HOMER2: variants seen among roughly 807,000 people sequenced by gnomAD.
HOMER2 encodes the protein homer protein homolog 2.
In HOMER2, 27 loss-of-function variants were observed where a neutral mutation model predicts 47.0. That is an observed-to-expected ratio of 0.57 (90% CI 0.42 to 0.79). HOMER2 has a LOEUF of 0.79. Ranked by LOEUF, HOMER2 falls within the 30% of genes least tolerant of loss-of-function variation. The pLI is 0.00. For missense variants in HOMER2, 443 were observed against 435.0 expected (o/e 1.02, Z -0.16); for synonymous variants, 161 against 163.8 (o/e 0.98, Z 0.13).
At chr15:82,873,890 T>C (rs746144713) in intron 3 of HOMER2, among the ~76,000 whole-genome samples, 1 of 152,218 alleles carries the variant, frequency 6.6e-6, no homozygotes, top group Non-Finnish European at 1.5e-5. Context: ...TAGAAGTGTG[T>C]GTGCGTGCAC....
rs191739658 is a variant in HOMER2 at position 82,948,176 on chromosome 15, G to T, written c.5+4355C>A. Among the ~76,000 whole-genome samples, 4 of 152,206 alleles carry T rather than the reference G, an allele frequency of 2.6e-5. No homozygotes were observed. The East Asian group carries it at 7.7e-4, about 29-fold the overall frequency. ...GGAGGCCGGGGCAGGCGAATCATGA[G>T]GTCAGGAGATTGAGATCATCCTGGC... On this transcript the variant is annotated intron_variant, in intron 1 of 8. Transcript: ENST00000450735.
intron 1 of HOMER2, among the ~76,000 whole-genome samples, chr15:82,895,772 G>T (rs1400340016): frequency 1.3e-5 from 2 of 152,008 alleles, no homozygotes; most frequent in South Asian, 4.2e-4. Context: ...ATGCTTAGAC[G>T]GGTGTTCCCT....
chr15:82,926,481 A>G (rs2053855099), intron 1 of HOMER2: 1 of 152,230 alleles, frequency 6.6e-6, no homozygotes, highest in Admixed American at 6.5e-5. Context: ...TGAGCTTAGG[A>G]GTTTGAGACC....
chr15:82,940,477 G>C lies in HOMER2; in HGVS notation c.5+12054C>G, dbSNP rs557599507. On this transcript the variant is annotated intron_variant, in intron 1 of 8. Coordinates refer to ENST00000450735, the MANE Select transcript of HOMER2 (RefSeq NM_004839.4). ...GCTGTGCATGGGCTGGGCGTGGTGG[G>C]TCACGCCTGTAATCCCAGCACTTTG... Among the ~76,000 whole-genome samples the C allele has an allele frequency of 2.1e-3, 324 of 152,218 alleles. 7 individuals are homozygous for C. The highest frequency in any genetic ancestry group is 0.018 in the Admixed American group (281 of 15,294).
intron 1 of HOMER2, among the ~76,000 whole-genome samples, chr15:82,922,402 C>T (rs913710497): frequency 6.6e-6 from 1 of 152,172 alleles, no homozygotes; most frequent in South Asian, 2.1e-4. Context: ...CCAAGAGAAC[C>T]TTTTTACTCA....
At chr15:82,916,815 T>C (rs1302871918) in intron 1 of HOMER2, among the ~76,000 whole-genome samples, 3 of 151,272 alleles carry the variant, frequency 2.0e-5, no homozygotes, top group Non-Finnish European at 4.4e-5. Context: ...TCATTTTTTT[T>C]TTTTTGAGAC....
intron 2 of HOMER2, among the ~76,000 whole-genome samples, chr15:82,891,109 TTCATCTCTGAA>T (rs2052691044): frequency 6.6e-6 from 1 of 152,136 alleles, no homozygotes; most frequent in South Asian, 2.1e-4. Context: ...GACCAGTTCC[TTCATCTCTGAA>T]GCGGAGGGAG....
intron 1 of HOMER2, among the ~76,000 whole-genome samples, chr15:82,912,929 C>G (rs2151153450): frequency 6.6e-6 from 1 of 152,310 alleles, no homozygotes; most frequent in South Asian, 2.1e-4. Context: ...TGGGTTGCAG[C>G]TGCCCAAGGA....
At chr15:82,841,773 A>G (rs1174324946) in exon 2 of HOMER2, 2 of 152,210 alleles carry the variant, frequency 1.3e-5, no homozygotes, top group African/African-American at 2.4e-5. Context: ...TCAATAACCA[A>G]TCGCCAAGTT....
At chr15:82,966,566 G>A (rs1289798030) in intron 1 of HOMER2, among the ~76,000 whole-genome samples, 3 of 152,122 alleles carry the variant, frequency 2.0e-5, no homozygotes, top group Admixed American at 6.5e-5. Flanking sequence ...GCCTCCAGCA[G>A]AAAAAGGAGT....
chr15:82,852,329 G>A (rs2051423077), intron 6 of HOMER2, 77 bp from the exon 7 acceptor site: 3 of 996,348 alleles, frequency 3.0e-6, no homozygotes, highest in African/African-American at 3.2e-5. Flanking sequence ...CCACAGCTAT[G>A]CTTCTCTTTT....
intron 7 of HOMER2, among the ~76,000 whole-genome samples, chr15:82,851,739 G>A (rs2051403143): frequency 6.6e-6 from 1 of 152,140 alleles, no homozygotes. Context: ...ACCAGCCTGG[G>A]CAACATAATG....
At chr15:82,856,737 G>C (rs932986609) in intron 5 of HOMER2, among the ~76,000 whole-genome samples, 1 of 152,234 alleles carries the variant, frequency 6.6e-6, no homozygotes, top group Non-Finnish European at 1.5e-5. Context: ...AAAGGCAGGG[G>C]GTTGGATCTA....
At chr15:82,945,305 A>C (rs2054352177) in intron 1 of HOMER2, among the ~76,000 whole-genome samples, 1 of 152,198 alleles carries the variant, frequency 6.6e-6, no homozygotes, top group Admixed American at 6.5e-5. Context: ...GCAAAATGAC[A>C]AATTAGAAGT....
intron 1 of HOMER2, among the ~76,000 whole-genome samples, chr15:82,983,106 C>A (rs2030450811): frequency 6.6e-6 from 1 of 152,330 alleles, no homozygotes; most frequent in East Asian, 1.9e-4. Flanking sequence ...GCTCAGAACA[C>A]TTACATTAGC....
intron 1 of HOMER2, among the ~76,000 whole-genome samples, chr15:82,917,462 G>A (rs2053619565): frequency 6.6e-6 from 1 of 152,208 alleles, no homozygotes. Flanking sequence ...CAGGGCCCCA[G>A]GGGGAACTGC....
At chr15:82,977,530 G>C (rs1280915887) in intron 1 of HOMER2, among the ~76,000 whole-genome samples, 2 of 150,392 alleles carry the variant, frequency 1.3e-5, no homozygotes, top group Non-Finnish European at 2.9e-5. Flanking sequence ...ATCAGTTTTA[G>C]AGCTGGAGGA....
At chr15:82,907,903 G>A (rs1404979836) in intron 1 of HOMER2, among the ~76,000 whole-genome samples, 1 of 152,154 alleles carries the variant, frequency 6.6e-6, no homozygotes. Context: ...ATATAATAGA[G>A]TATTATTTGG....
At chr15:82,967,651 G>A (rs1390489819) in intron 1 of HOMER2, among the ~76,000 whole-genome samples, 1 of 152,154 alleles carries the variant, frequency 6.6e-6, no homozygotes, top group Non-Finnish European at 1.5e-5. Context: ...TGAGGTGGGT[G>A]GATCACGAGG....
Sources: allele counts gnomAD v4.1 joint callset (sites outside exome capture counted in the v4.1 genomes callset), GRCh38; gene constraint gnomAD v4.1.1; transcripts MANE v1.5; gene names NCBI Gene and HGNC (gene_info 2026-07-23, HGNC 2026-07-21).